The following TSC22D3 variants were observed in gnomAD, a reference collection of about 807,000 sequenced individuals.
TSC22D3 encodes the protein TSC22 domain family member 3.
In TSC22D3, 4 loss-of-function variants were observed where a neutral mutation model predicts 11.1. The observed-to-expected ratio is 0.36, with a 90% CI of 0.18 to 0.83. The LOEUF (loss-of-function observed/expected upper bound fraction) is 0.83, where lower values mean the gene tolerates loss of function less well. Among genes scored for constraint, TSC22D3 ranks in the 40% least tolerant of loss-of-function variants. The pLI, the probability that TSC22D3 is intolerant of heterozygous loss-of-function variation, is 0.48. For missense variants in TSC22D3, 118 were observed against 159.4 expected (o/e 0.74, Z 1.40); for synonymous variants, 77 against 70.3 (o/e 1.10, Z -0.48).
At chrX:107,756,580 C>G (rs1929187894) in intron 1 of TSC22D3, among the ~76,000 whole-genome samples, 1 of 112,239 alleles carries the variant, frequency 8.9e-6, no homozygotes, top group Non-Finnish European at 1.9e-5. Context: ...CTTTAGACTG[C>G]TGCAAATGGC....
intron 1 of TSC22D3, among the ~76,000 whole-genome samples, chrX:107,738,685 G>A (rs934119534): frequency 8.8e-6 from 1 of 113,137 alleles, no homozygotes; most frequent in Non-Finnish European, 1.9e-5. Context: ...CCTAGGTAAA[G>A]GGAGGGGGAG....
chrX:107,759,764 C>G (rs1193179047), intron 1 of TSC22D3, among the ~76,000 whole-genome samples: 1 of 112,883 alleles, frequency 8.9e-6, no homozygotes, highest in Non-Finnish European at 1.9e-5. Flanking sequence ...CTCTCACGCT[C>G]TGGCTCTCTC....
chrX:107,751,952 G>A (rs906108561), intron 1 of TSC22D3, among the ~76,000 whole-genome samples: 7 of 112,593 alleles, frequency 6.2e-5, no homozygotes, highest in Admixed American at 3.8e-4. Flanking sequence ...AACTTGGGAA[G>A]GGGAGCACAT....
chrX:107,727,172 A>G (rs778563050), intron 1 of TSC22D3, among the ~76,000 whole-genome samples: 1 of 112,408 alleles, frequency 8.9e-6, no homozygotes, highest in South Asian at 3.7e-4. Flanking sequence ...GGTTTGGCCT[A>G]CAGAGCTGAT....
chrX:107,742,901 C>T (rs778485648), intron 1 of TSC22D3, among the ~76,000 whole-genome samples: 3 of 112,176 alleles, frequency 2.7e-5, no homozygotes, highest in Non-Finnish European at 3.8e-5. Context: ...TCGGGAGCCC[C>T]GAGAGCAGCG....
rs1183833511 is a variant in TSC22D3 at position 107,775,705 on chromosome X, C to T, written c.-286G>A. ...TCCCCCTCCTCTTGAGGCCGGGGGC[C>T]GCCCCCCTGAGGTGCCACACGCGGC... On this transcript the variant is annotated 5_prime_UTR_variant, in exon 1 of 3. Transcript: ENST00000372383. The T allele has an allele frequency of 9.2e-6, 2 of 216,579 alleles. No individual in the cohort carries two copies. The highest frequency in any genetic ancestry group is 1.7e-5 in the Non-Finnish European group (2 of 120,537). The allele number at this position is 216,579 out of a possible 1,213,427, so 17.8% of individuals were successfully genotyped here. A position where few individuals can be genotyped will look rare whatever the true frequency, so the allele number is the denominator to read the frequency against.
At chrX:107,763,716 A>G (rs187908850) in intron 1 of TSC22D3, among the ~76,000 whole-genome samples, 2 of 112,294 alleles carry the variant, frequency 1.8e-5, no homozygotes, top group Non-Finnish European at 3.8e-5. Context: ...TTTCCTTTAC[A>G]GTAAATAATT....
At chrX:107,739,220 G>A (rs940967559) in intron 1 of TSC22D3, among the ~76,000 whole-genome samples, 2 of 112,822 alleles carry the variant, frequency 1.8e-5, no homozygotes, top group Admixed American at 9.3e-5. Context: ...ATCACAAATC[G>A]TGGAAATGCC....
At chrX:107,737,171 G>A (rs1677419370) in intron 1 of TSC22D3, among the ~76,000 whole-genome samples, 1 of 111,749 alleles carries the variant, frequency 8.9e-6, no homozygotes, top group South Asian at 3.8e-4. Context: ...ACGGCTCCCA[G>A]GGCCCCTGGA....
intron 1 of TSC22D3, among the ~76,000 whole-genome samples, chrX:107,747,716 T>A (rs1470568951): frequency 8.8e-6 from 1 of 113,145 alleles, no homozygotes; most frequent in Non-Finnish European, 1.9e-5. Context: ...ATTGAATTTC[T>A]AAATACAGGC....
chrX:107,719,139 G>A (rs189209746), intron 1 of TSC22D3, among the ~76,000 whole-genome samples: 125 of 111,918 alleles, frequency 1.1e-3, no homozygotes, highest in African/African-American at 3.9e-3. Flanking sequence ...AGAGAAATAA[G>A]CTGGGCTGGC....
chrX:107,716,686 T>C (rs1569446797), intron 1 of TSC22D3: 1 of 1,204,406 alleles, frequency 8.3e-7, no homozygotes, highest in Non-Finnish European at 1.1e-6. Context: ...GGGCCAGCGG[T>C]TACCTGTTGT....
chrX:107,765,629 C>T (rs1223059637), intron 1 of TSC22D3, among the ~76,000 whole-genome samples: 2 of 112,833 alleles, frequency 1.8e-5, no homozygotes, highest in Admixed American at 1.9e-4. Context: ...TGCACCTGGG[C>T]AGGCAGATTA....
intron 1 of TSC22D3, among the ~76,000 whole-genome samples, chrX:107,736,504 C>T (rs1465764271): frequency 9.0e-6 from 1 of 111,544 alleles, no homozygotes; most frequent in Non-Finnish European, 1.9e-5. Context: ...CTTAACAAGC[C>T]TGCTGGATTT....
intron 1 of TSC22D3, chrX:107,721,812 C>T: frequency 2.1e-6 from 1 of 469,158 alleles, no homozygotes; most frequent in Admixed American, 3.0e-5. Flanking sequence ...TACTCCTCCA[C>T]TACGGGCCCC....
At chrX:107,757,940 T>G (rs1461212065) in intron 1 of TSC22D3, among the ~76,000 whole-genome samples, 1 of 111,293 alleles carries the variant, frequency 9.0e-6, no homozygotes, top group African/African-American at 3.3e-5. Flanking sequence ...CTGGGGAAGC[T>G]GCTTGAGCCC....
intron 1 of TSC22D3, among the ~76,000 whole-genome samples, chrX:107,767,700 G>A (rs957420346): frequency 8.9e-6 from 1 of 111,954 alleles, no homozygotes; most frequent in Non-Finnish European, 1.9e-5. Flanking sequence ...ATCAAACCTA[G>A]GTTGCCCTGA....
intron 1 of TSC22D3, among the ~76,000 whole-genome samples, chrX:107,718,095 C>T (rs1170323117): frequency 8.9e-6 from 1 of 111,954 alleles, no homozygotes; most frequent in Non-Finnish European, 1.9e-5. Flanking sequence ...GACTCCAAAC[C>T]ATAAACAAGA....
intron 1 of TSC22D3, among the ~76,000 whole-genome samples, chrX:107,758,443 G>T (rs1929276642): frequency 9.0e-6 from 1 of 111,558 alleles, no homozygotes; most frequent in Admixed American, 9.5e-5. Flanking sequence ...AAATGTACCA[G>T]ATATCAACAC....
Sources: gnomAD v4.1 joint callset for allele counts (sites outside exome capture counted in the v4.1 genomes callset) on GRCh38, gnomAD v4.1.1 for gene constraint, MANE v1.5 for transcripts, NCBI Gene and HGNC (gene_info 2026-07-23, HGNC 2026-07-21) for gene names.